The following CACNA1E variants were observed in gnomAD, a reference collection of about 807,000 sequenced individuals.
The protein encoded by CACNA1E is calcium voltage-gated channel subunit alpha1 E.
Under a neutral mutation model 259.2 loss-of-function variants are expected in CACNA1E, and 40 were observed. The ratio of observed to expected loss-of-function variants is 0.15; its 90% confidence interval spans 0.12 to 0.20. The LOEUF is 0.20. Among genes scored for constraint, CACNA1E ranks in the 10% least tolerant of loss-of-function variants. The pLI is 1.00. For missense variants in CACNA1E, 1,874 were observed against 3,040.1 expected, an observed-to-expected ratio of 0.62 and a Z score of 9.02; for synonymous variants, 1,104 against 1,138.5, an observed-to-expected ratio of 0.97 and a Z score of 0.61.
At chr1:181,756,316 G>C (rs1385688063) in intron 29 of CACNA1E, among the ~76,000 whole-genome samples, 1 of 152,188 alleles carries the variant, frequency 6.6e-6, no homozygotes, top group Non-Finnish European at 1.5e-5. Context: ...AACTCTTAAT[G>C]TTTTAGCCAA....
At chr1:181,666,290 T>C (rs1412685472) in intron 7 of CACNA1E, among the ~76,000 whole-genome samples, 1 of 152,144 alleles carries the variant, frequency 6.6e-6, no homozygotes, top group Non-Finnish European at 1.5e-5. Flanking sequence ...TAACCAGTTT[T>C]CAATAGATGT....
Position 181,776,313 on chromosome 1 carries a change from C to G in CACNA1E, c.5267+85C>G, listed in dbSNP as rs765794568. 3 of 1,358,568 alleles carry G rather than the reference C, an allele frequency of 2.2e-6. No homozygotes were observed. The highest frequency in any genetic ancestry group is 1.7e-5 in the Admixed American group (1 of 58,230). 84.2% of individuals were successfully genotyped at this position (1,358,568 alleles called of 1,614,324 possible). A position where few individuals can be genotyped will look rare whatever the true frequency, so the allele number is the denominator to read the frequency against. ...GGGAAGAGGCTGGAATTGGAGCCAC[C>G]CAAATGCCTGCCTGTTACAGAAGGA... On this transcript the variant is annotated intron_variant, in intron 38 of 47. Coordinates refer to ENST00000367573, the MANE Select transcript of CACNA1E (RefSeq NM_001205293.3). This position sits in a 1 kb window ranked among gnomAD's most constrained non-coding sequence, Gnocchi z 4.4.
At chr1:181,356,542 G>A (rs1653449724) in intron 1 of CACNA1E, among the ~76,000 whole-genome samples, 1 of 152,230 alleles carries the variant, frequency 6.6e-6, no homozygotes, top group South Asian at 2.1e-4. Flanking sequence ...GGACCCACTT[G>A]TGGCTCTGCT....
rs1474771707 is a variant in CACNA1E, at chr1:181,731,058, A to G, written c.2241-117A>G. ...CTACAGAAGGCAAGCAGGCACATGGAGACCTGATGGCCACACAGAGGACTC... is the reference window on the plus strand; with the variant it reads ...CTACAGAAGGCAAGCAGGCACATGGGGACCTGATGGCCACACAGAGGACTC... On this transcript the variant is annotated intron_variant, in intron 18 of 47. Coordinates refer to ENST00000367573, the MANE Select transcript of CACNA1E (RefSeq NM_001205293.3). The G allele has an allele frequency of 1.3e-5, 10 of 748,362 alleles. No individual in the cohort carries two copies. In the Admixed American group the frequency reaches 1.6e-4, roughly 12 times the overall value. The allele number at this position is 748,362 out of a possible 1,614,324, so 46.4% of individuals were successfully genotyped here.
intron 1 of CACNA1E, among the ~76,000 whole-genome samples, chr1:181,341,502 G>T (rs78342819): frequency 0.014 from 2,202 of 152,292 alleles, 35 homozygotes; most frequent in Non-Finnish European, 0.023. Flanking sequence ...TTTAGCAAGG[G>T]TTGGCTGTGC....
At chr1:181,473,723 T>G (rs938168480) in intron 2 of CACNA1E, among the ~76,000 whole-genome samples, 1 of 152,252 alleles carries the variant, frequency 6.6e-6, no homozygotes, top group Non-Finnish European at 1.5e-5. Flanking sequence ...AGAATCATCA[T>G]GAAATCTCTA....
At chr1:181,710,870 G>A in intron 7 of CACNA1E, 84 bp from the exon 8 acceptor site, 1 of 968,162 alleles carries the variant, frequency 1.0e-6, no homozygotes, top group Non-Finnish European at 1.7e-6. Flanking sequence ...TTGCTCAGAT[G>A]CTCTCTCTCT....
At chr1:181,413,765 C>A (rs1353472488) in intron 2 of CACNA1E, among the ~76,000 whole-genome samples, 1 of 152,240 alleles carries the variant, frequency 6.6e-6, no homozygotes, top group African/African-American at 2.4e-5. Context: ...GATCTCACCA[C>A]CCGGCTGTAG....
chr1:181,713,437 G>A (rs781509605), intron 8 of CACNA1E, among the ~76,000 whole-genome samples: 2 of 152,064 alleles, frequency 1.3e-5, no homozygotes, highest in Admixed American at 1.3e-4. Flanking sequence ...TTAATTTAGC[G>A]TTTTGCCAGA....
At chr1:181,760,077 G>A (rs979177129) in intron 32 of CACNA1E, among the ~76,000 whole-genome samples, 1 of 152,166 alleles carries the variant, frequency 6.6e-6, no homozygotes, top group Non-Finnish European at 1.5e-5. Context: ...AGGGGGAGCT[G>A]AGAGAGAGGG....
chr1:181,752,352 C>T (rs1007288949), intron 27 of CACNA1E, 113 bp downstream of exon 27: 15 of 769,130 alleles, frequency 2.0e-5, no homozygotes, highest in Admixed American at 6.5e-5. Context: ...TTTTCTCACA[C>T]GGATATCGAA....
chr1:181,798,720 G>A lies in CACNA1E; in HGVS notation c.6828G>A (p.Trp2276Ter). 1.2e-6 allele frequency: 2 copies of A among 1,608,458 alleles called. No homozygotes were observed. Among genetic ancestry groups the A allele is most frequent in the Non-Finnish European group, 1.7e-6 (2 of 1,176,576 alleles). The change falls in exon 48 of 48, where the codon TGG becomes TGA. Residue 2276 changes from tryptophan to a stop codon, truncating the protein, a stop_gained. Transcript: ENST00000367573. LOFTEE classifies it high-confidence loss of function. The surrounding 1 kb of genome is among the most constrained non-coding windows in gnomAD (Gnocchi z 4.2). ...IGSAPPLRHS[W>*]QMPNGHYRRR... ...CAGCCCCACCCCTGCGGCATAGCTG[G>A]CAGATGCCCAACGGGCACTATCGGC...
At chr1:181,608,524 G>T (rs1049253582) in intron 6 of CACNA1E, among the ~76,000 whole-genome samples, 1 of 152,178 alleles carries the variant, frequency 6.6e-6, no homozygotes, top group Non-Finnish European at 1.5e-5. Flanking sequence ...TTGGGCAGAG[G>T]TATGTGAGTA....
At chr1:181,448,000 A>G (rs909252105) in intron 2 of CACNA1E, among the ~76,000 whole-genome samples, 9 of 152,186 alleles carry the variant, frequency 5.9e-5, no homozygotes, top group African/African-American at 2.2e-4. Flanking sequence ...GTGTGATTAG[A>G]TAAGAGATTA....
intron 2 of CACNA1E, among the ~76,000 whole-genome samples, chr1:181,470,309 C>T: frequency 6.6e-6 from 1 of 152,030 alleles, no homozygotes; most frequent in East Asian, 1.9e-4. Flanking sequence ...CCATCTCAGC[C>T]TCTTGAGTAG....
At chr1:181,440,822 A>G (rs1447425671) in intron 2 of CACNA1E, among the ~76,000 whole-genome samples, 2 of 151,858 alleles carry the variant, frequency 1.3e-5, no homozygotes, top group Non-Finnish European at 2.9e-5. Flanking sequence ...GTCTCCACAA[A>G]AAATTTAAAA....
chr1:181,633,579 C>T lies in CACNA1E; in HGVS notation c.952-17759C>T, dbSNP rs555079479. 2.6e-4 allele frequency among the ~76,000 whole-genome samples: 40 copies of T among 152,264 alleles called. 1 individual carries two copies. The highest frequency in any genetic ancestry group is 9.1e-4 in the African/African-American group (38 of 41,550). ...CCATCTCAGCTCACTGCAACCTCCA[C>T]CTCCCAGGTTGAAGCGATTCTCATG... On this transcript the variant is annotated intron_variant, in intron 6 of 47. Transcript: ENST00000367573.
intron 6 of CACNA1E, among the ~76,000 whole-genome samples, chr1:181,613,762 A>G (rs1476069775): frequency 6.6e-6 from 1 of 152,172 alleles, no homozygotes; most frequent in Non-Finnish European, 1.5e-5. Flanking sequence ...CCTTACTAAT[A>G]AATGTCCTTT....
chr1:181,657,749 C>T (rs1357726922), intron 7 of CACNA1E, among the ~76,000 whole-genome samples: 1 of 152,264 alleles, frequency 6.6e-6, no homozygotes, highest in South Asian at 2.1e-4. Flanking sequence ...TACTAAGAGC[C>T]TGTGGTGGTA....
Sources: gnomAD v4.1 joint callset for allele counts (sites outside exome capture counted in the v4.1 genomes callset) on GRCh38, gnomAD v4.1.1 for gene constraint, Gnocchi (gnomAD v3.1) non-coding constraint, MANE v1.5 for transcripts, NCBI Gene and HGNC (gene_info 2026-07-23, HGNC 2026-07-21) for gene names.